Variants in WRN observed in about 807,000 individuals in gnomAD.
The protein encoded by WRN is bifunctional 3'-5' exonuclease/ATP-dependent helicase WRN.
A neutral mutation model predicts 180.7 loss-of-function variants in WRN; 149 were observed. The ratio of observed to expected loss-of-function variants is 0.82; its 90% CI spans 0.72 to 0.94. The LOEUF (loss-of-function observed/expected upper bound fraction) is 0.94, where lower values mean the gene tolerates loss of function less well. Ranked by LOEUF, WRN falls within the 40% of genes least tolerant of loss-of-function variation. The probability of loss-of-function intolerance (pLI) is 0.00; values close to 1 mark genes in which losing one functional copy is unlikely to be tolerated. For synonymous variants in WRN, 548 were observed against 568.9 expected (o/e 0.96, Z 0.52); for missense variants, 1,661 against 1,700.1 (o/e 0.98, Z 0.40).
chr8:31,172,057 CT>C (rs1453247903), intron 34 of WRN, among the ~76,000 whole-genome samples: 1 of 152,096 alleles, frequency 6.6e-6, no homozygotes, highest in Non-Finnish European at 1.5e-5. Flanking sequence ...GTGTATGACA[CT>C]TTAGGCTTAT....
chr8:31,130,479 T>G, intron 23 of WRN, among the ~76,000 whole-genome samples: 1 of 152,110 alleles, frequency 6.6e-6, no homozygotes, highest in East Asian at 1.9e-4. Context: ...AATTCTCATT[T>G]GAATTTATGA....
chr8:31,072,417 G>A (rs1812946245), intron 7 of WRN, among the ~76,000 whole-genome samples: 1 of 152,146 alleles, frequency 6.6e-6, no homozygotes, highest in African/African-American at 2.4e-5. Flanking sequence ...CACGGGCTTT[G>A]GTAACATGAA....
chr8:31,111,890 C>G (rs1240586065), intron 19 of WRN, 91 bp downstream of exon 19: 5 of 1,433,182 alleles, frequency 3.5e-6, no homozygotes, highest in African/African-American at 2.9e-5. Flanking sequence ...CGATTTCCTT[C>G]TAATGCATAT....
intron 31 of WRN, among the ~76,000 whole-genome samples, chr8:31,153,652 G>A (rs1018892048): frequency 5.3e-5 from 8 of 151,962 alleles, no homozygotes; most frequent in Non-Finnish European, 7.4e-5. Context: ...TTATTGCCTT[G>A]GGTCAGATAA....
chr8:31,107,184 A>C (rs1249027419), intron 18 of WRN, among the ~76,000 whole-genome samples: 1 of 152,198 alleles, frequency 6.6e-6, no homozygotes, highest in Admixed American at 6.5e-5. Flanking sequence ...CAGTGTTAGT[A>C]GTACATGTTT....
At chr8:31,114,355 T>C (rs1801432182) in intron 19 of WRN, among the ~76,000 whole-genome samples, 1 of 152,170 alleles carries the variant, frequency 6.6e-6, no homozygotes. Context: ...TCATATAATT[T>C]AGTGGTTAGA....
At chr8:31,105,084 GGTT>G (rs1415218870) in intron 18 of WRN, among the ~76,000 whole-genome samples, 1 of 111,616 alleles carries the variant, frequency 9.0e-6, no homozygotes, top group East Asian at 2.6e-4. Context: ...CACAGAGTTT[GGTT>G]GGAGCAGATA....
In WRN at chr8:31,149,383, C is replaced by T. The variant is rs113114954; in HGVS notation, c.3573-958C>T. Among the ~76,000 whole-genome samples the T allele has an allele frequency of 9.8e-3, 1,385 of 140,734 alleles. 25 individuals carry two copies. The highest frequency in any genetic ancestry group is 0.035 in the African/African-American group (1,318 of 37,392). The allele number at this position is 140,734 out of a possible 152,430, so 92.3% of individuals were successfully genotyped here. ...CTGCACTCCAGCCTGGGTGACAGAG[C>T]GAGACTCCGTCTAAAAAAAAAATAA... On this transcript the variant is annotated intron_variant, in intron 30 of 34. Coordinates refer to ENST00000298139, the MANE Select transcript of WRN (RefSeq NM_000553.6).
chr8:31,160,510 C>T (rs1040649172), intron 33 of WRN, among the ~76,000 whole-genome samples: 1 of 152,138 alleles, frequency 6.6e-6, no homozygotes, highest in Non-Finnish European at 1.5e-5. Flanking sequence ...TTATGGTTGT[C>T]GAAACCTTTG....
Position 31,134,805 on chromosome 8 carries a change from C to CT in WRN, c.2967+2300dup, listed in dbSNP as rs1312342416. Among the ~76,000 whole-genome samples the CT allele has an allele frequency of 2.0e-5, 3 of 152,262 alleles. No individual in the cohort carries two copies. The East Asian group carries it at 5.8e-4, about 29-fold the overall frequency. On this transcript the variant is annotated intron_variant, in intron 24 of 34. Coordinates refer to ENST00000298139, the MANE Select transcript of WRN (RefSeq NM_000553.6). Reference sequence around the variant, plus strand: ...ATCACTCTTGTAATTTTCAAACTATCTAACGGGAGAGGATTATCCATCCTG... The same window carrying CT: ...ATCACTCTTGTAATTTTCAAACTATCTTAACGGGAGAGGATTATCCATCCTG...
At chr8:31,113,960 C>A (rs1801419069) in intron 19 of WRN, among the ~76,000 whole-genome samples, 1 of 151,728 alleles carries the variant, frequency 6.6e-6, no homozygotes, top group Non-Finnish European at 1.5e-5. Context: ...GTGTAACATT[C>A]AACAGTATTG....
intron 33 of WRN, among the ~76,000 whole-genome samples, chr8:31,161,197 A>T (rs1803601306): frequency 1.3e-5 from 2 of 152,186 alleles, no homozygotes; most frequent in African/African-American, 4.8e-5. Flanking sequence ...CCATCAAGTG[A>T]CCTAATTTCC....
chr8:31,092,909 T>C (rs1244638452), intron 16 of WRN, among the ~76,000 whole-genome samples: 1 of 152,150 alleles, frequency 6.6e-6, no homozygotes, highest in Admixed American at 6.6e-5. Flanking sequence ...TCTTTCATGC[T>C]GTTGCATGTA....
intron 1 of WRN, among the ~76,000 whole-genome samples, chr8:31,035,698 A>G (rs531390213): frequency 7.2e-5 from 11 of 152,288 alleles, no homozygotes; most frequent in Admixed American, 3.3e-4. Flanking sequence ...TCTTTTTTGT[A>G]TCTGGCCAAT....
At chr8:31,105,846 A>G (rs1003971101) in intron 18 of WRN, among the ~76,000 whole-genome samples, 2 of 152,182 alleles carry the variant, frequency 1.3e-5, no homozygotes, top group Non-Finnish European at 2.9e-5. Context: ...TGAGTGATTC[A>G]GTTGTTTTTG....
At chr8:31,049,210 CAAAAAAAA>C (rs72226104) in intron 1 of WRN, among the ~76,000 whole-genome samples, 1 of 31,802 alleles carries the variant, frequency 3.1e-5, no homozygotes, top group African/African-American at 1.4e-4. Flanking sequence ...GACTCTGTCT[CAAAAAAAA>C]AAAAAAAAAA....
intron 18 of WRN, 31 bp from the exon 19 acceptor site, chr8:31,111,584 C>CT (rs1261272727): frequency 6.2e-7 from 1 of 1,612,040 alleles, no homozygotes; most frequent in Admixed American, 1.7e-5. Context: ...GAGCTCTTTC[C>CT]TTTTTAAAAT....
chr8:31,112,808 G>A (rs1801369668), intron 19 of WRN, among the ~76,000 whole-genome samples: 2 of 152,016 alleles, frequency 1.3e-5, no homozygotes, highest in South Asian at 2.1e-4. Flanking sequence ...GGCTGATCTC[G>A]AACTCCTGAC....
chr8:31,126,240 C>T (rs2344458), intron 23 of WRN, among the ~76,000 whole-genome samples: 68,069 of 151,822 alleles, frequency 0.45, 15,548 homozygotes, highest in East Asian at 0.6. Flanking sequence ...GAACATGGAT[C>T]ATATTCAGAG....
Sources: gnomAD v4.1 joint callset for allele counts (sites outside exome capture counted in the v4.1 genomes callset) on GRCh38, gnomAD v4.1.1 for gene constraint, MANE v1.5 for transcripts, NCBI Gene and HGNC (gene_info 2026-07-23, HGNC 2026-07-21) for gene names.